The following BBS9 variants were observed in gnomAD, a reference collection of about 807,000 sequenced individuals.
BBS9 encodes Bardet-Biedl syndrome 9.
BBS9 carries 89 observed loss-of-function variants against 117.7 expected under a neutral mutation model. That is an observed-to-expected ratio of 0.76 (90% CI 0.64 to 0.90). The LOEUF (loss-of-function observed/expected upper bound fraction) is 0.90, where lower values mean the gene tolerates loss of function less well. Ranked by LOEUF, BBS9 falls within the 40% of genes least tolerant of loss-of-function variation. The probability of loss-of-function intolerance (pLI) is 0.00; values close to 1 mark genes in which losing one functional copy is unlikely to be tolerated. For synonymous variants in BBS9, 379 were observed against 370.9 expected (o/e 1.02, Z -0.25); for missense variants, 982 against 1,042.2 (o/e 0.94, Z 0.80).
Position 33,616,642 on chromosome 7 carries a change from T to C in BBS9, c.2522-18535T>C, listed in dbSNP as rs569514036. On this transcript the variant is annotated intron_variant, in intron 21 of 21. Coordinates refer to the BBS9 transcript ENST00000671952. Reference sequence around the variant, plus strand: ...AAGAAATAGAAAACAGTAACAAATATGATAGATCTTAATCCAGTTATGTTA... The same window carrying C: ...AAGAAATAGAAAACAGTAACAAATACGATAGATCTTAATCCAGTTATGTTA... Among the ~76,000 whole-genome samples the C allele has an allele frequency of 4.0e-5, 6 of 151,682 alleles. No homozygotes were observed. The East Asian group carries it at 1.2e-3, about 29-fold the overall frequency.
rs542209132 is a variant in BBS9 at position 33,596,959 on chromosome 7, A to T, written c.2522-7906A>T. Among the ~76,000 whole-genome samples the T allele has an allele frequency of 8.5e-5, 13 of 152,170 alleles. No individual in the cohort carries two copies. In the South Asian group the frequency reaches 1.0e-3, roughly 12 times the overall value. On this transcript the variant is annotated intron_variant, in intron 21 of 22. Transcript: ENST00000242067. ...TTACATTCTCCTTGGGCTAGAAAAAAATATTTGAAACAACTGGAAAACTAA... is the reference window on the plus strand; with the variant it reads ...TTACATTCTCCTTGGGCTAGAAAAATATATTTGAAACAACTGGAAAACTAA...
intron 19 of BBS9, among the ~76,000 whole-genome samples, chr7:33,438,783 A>C (rs765078263): frequency 6.6e-6 from 1 of 152,220 alleles, no homozygotes; most frequent in Non-Finnish European, 1.5e-5. Context: ...ACGCAGTCTC[A>C]AAAACACAAT....
chr7:33,359,858 C>G (rs1820304530), intron 16 of BBS9, among the ~76,000 whole-genome samples: 1 of 151,726 alleles, frequency 6.6e-6, no homozygotes, highest in Admixed American at 6.6e-5. Flanking sequence ...TTTCTTATTA[C>G]AAAAGAAATG....
chr7:33,341,074 C>T (rs1816441117), intron 11 of BBS9, 101 bp downstream of exon 11: 1 of 945,676 alleles, frequency 1.1e-6, no homozygotes, highest in Admixed American at 1.8e-5. Context: ...TCCAAGTAGA[C>T]ACTTCAGGGA....
In BBS9 at chr7:33,505,562, G is replaced by A. The variant is rs369881355; in HGVS notation, c.2215G>A (p.Ala739Thr). The change falls in exon 20 of 23, where the codon GCG becomes ACG. Residue 739 changes from alanine to threonine, a missense_variant. Coordinates refer to ENST00000242067, the MANE Select transcript of BBS9 (RefSeq NM_198428.3). ...SATHLVILLI[A>T]LWQKLSADQV... ...CACCCATTTGGTGATTCTGCTGATCGCGCTGTGGCAGAAGCTTAGTGCTGA... is the reference window on the plus strand; with the variant it reads ...CACCCATTTGGTGATTCTGCTGATCACGCTGTGGCAGAAGCTTAGTGCTGA... 2.0e-5 allele frequency: 33 copies of A among 1,613,994 alleles called. No homozygotes were observed. Among genetic ancestry groups the A allele is most frequent in the African/African-American group, 4.0e-5 (3 of 74,926 alleles).
chr7:33,301,490 G>A (rs905394638), intron 9 of BBS9, among the ~76,000 whole-genome samples: 2 of 151,828 alleles, frequency 1.3e-5, no homozygotes, highest in Admixed American at 1.3e-4. Context: ...TTAATTTTTA[G>A]CTCCCACAAA....
intron 19 of BBS9, among the ~76,000 whole-genome samples, chr7:33,425,864 C>T (rs1833585377): frequency 6.6e-6 from 1 of 152,164 alleles, no homozygotes; most frequent in Admixed American, 6.5e-5. Flanking sequence ...CCAGCTTGAC[C>T]TTACAGTGGC....
At chr7:33,554,937 C>G (rs1855054218) in intron 21 of BBS9, among the ~76,000 whole-genome samples, 1 of 152,136 alleles carries the variant, frequency 6.6e-6, no homozygotes, top group Admixed American at 6.5e-5. Context: ...AGCAGCCACA[C>G]AGAAGCCAAG....
At chr7:33,166,599 T>A (rs1352257010) in intron 4 of BBS9, among the ~76,000 whole-genome samples, 1 of 152,244 alleles carries the variant, frequency 6.6e-6, no homozygotes, top group Non-Finnish European at 1.5e-5. Flanking sequence ...GGCTGCTGCC[T>A]CACAGGTTGA....
chr7:33,256,327 G>C (rs1396383396), intron 5 of BBS9, among the ~76,000 whole-genome samples: 1 of 152,120 alleles, frequency 6.6e-6, no homozygotes, highest in Non-Finnish European at 1.5e-5. Flanking sequence ...TTCCTGAATG[G>C]TTCAGATGTA....
intron 6 of BBS9, among the ~76,000 whole-genome samples, chr7:33,261,701 T>C (rs1471903149): frequency 1.3e-5 from 2 of 152,224 alleles, no homozygotes; most frequent in Non-Finnish European, 2.9e-5. Context: ...CAAAGCAATT[T>C]GGAAGAGTAT....
intron 5 of BBS9, among the ~76,000 whole-genome samples, chr7:33,190,248 C>G (rs1041858193): frequency 6.6e-6 from 1 of 151,662 alleles, no homozygotes; most frequent in Non-Finnish European, 1.5e-5. Flanking sequence ...GCCTCCTGAG[C>G]AGCTGGGTCC....
chr7:33,418,208 T>C (rs746520023), intron 19 of BBS9, among the ~76,000 whole-genome samples: 3 of 152,344 alleles, frequency 2.0e-5, no homozygotes, highest in African/African-American at 4.8e-5. Flanking sequence ...TACAAATGTG[T>C]GTTAATGGAC....
At chr7:33,493,626 T>G (rs897260405) in intron 19 of BBS9, among the ~76,000 whole-genome samples, 2 of 152,206 alleles carry the variant, frequency 1.3e-5, no homozygotes, top group African/African-American at 4.8e-5. Context: ...AGCTGTCCTT[T>G]AGGTAGTAGA....
chr7:33,399,423 C>T (rs554640823), intron 19 of BBS9, among the ~76,000 whole-genome samples: 1 of 152,262 alleles, frequency 6.6e-6, no homozygotes, highest in South Asian at 2.1e-4. Context: ...AATTTTATGT[C>T]AACAGACTTG....
At position 33,527,283 on chromosome 7, in the gene BBS9, G is replaced by A. The variant is rs1162929756; in HGVS notation, c.2299-6671G>A. Among the ~76,000 whole-genome samples the A allele has an allele frequency of 2.0e-5, 3 of 152,176 alleles. No homozygotes were observed. In the East Asian group the frequency reaches 5.8e-4, roughly 29 times the overall value. On this transcript the variant is annotated intron_variant, in intron 20 of 22. Transcript: ENST00000242067. Reference sequence around the variant, plus strand: ...AGTTGTGTTGGGCTCCCCCCAGTTCGAGCTTCCTGGCTGCTTTGTTTACCT... The same window carrying A: ...AGTTGTGTTGGGCTCCCCCCAGTTCAAGCTTCCTGGCTGCTTTGTTTACCT...
intron 7 of BBS9, among the ~76,000 whole-genome samples, chr7:33,270,547 A>C (rs1180561349): frequency 6.6e-6 from 1 of 152,244 alleles, no homozygotes; most frequent in Non-Finnish European, 1.5e-5. Context: ...TGTAAAACAC[A>C]CTACAAGAAT....
At chr7:33,416,590 G>A (rs1166409511) in intron 19 of BBS9, among the ~76,000 whole-genome samples, 1 of 152,074 alleles carries the variant, frequency 6.6e-6, no homozygotes, top group East Asian at 1.9e-4. Context: ...TGTTATGTGA[G>A]TGCCTGTTGT....
intron 4 of BBS9, among the ~76,000 whole-genome samples, chr7:33,156,923 A>G (rs975461341): frequency 4.6e-5 from 7 of 152,134 alleles, no homozygotes; most frequent in South Asian, 2.1e-4. Flanking sequence ...AGGTATTATC[A>G]TACGATATAG....
Sources: allele counts gnomAD v4.1 joint callset (sites outside exome capture counted in the v4.1 genomes callset), GRCh38; gene constraint gnomAD v4.1.1; transcripts MANE v1.5; gene names NCBI Gene and HGNC (gene_info 2026-07-23, HGNC 2026-07-21).